The following XPNPEP1 variants were observed in gnomAD, a reference collection of about 807,000 sequenced individuals.
XPNPEP1 encodes the protein xaa-Pro aminopeptidase 1.
A neutral mutation model predicts 92.4 loss-of-function variants in XPNPEP1; 39 were observed. That is an observed-to-expected ratio of 0.42 (90% CI 0.33 to 0.55). The LOEUF (loss-of-function observed/expected upper bound fraction) is 0.55, where lower values mean the gene tolerates loss of function less well. XPNPEP1 is among the 20% of genes least tolerant of loss of function. XPNPEP1 has a pLI of 0.08. For synonymous variants in XPNPEP1, 307 were observed against 299.4 expected, an observed-to-expected ratio of 1.03 and a Z score of -0.26; for missense variants, 654 against 856.1, an observed-to-expected ratio of 0.76 and a Z score of 2.95.
At chr10:109,868,449 G>T (rs1847262163) in intron 20 of XPNPEP1, among the ~76,000 whole-genome samples, 165 bp downstream of exon 20, 1 of 151,960 alleles carries the variant, frequency 6.6e-6, no homozygotes, top group Non-Finnish European at 1.5e-5. Context: ...GGAGTCCTCA[G>T]AAAACCTAGG....
chr10:109,912,422 C>T (rs1054926649), intron 2 of XPNPEP1, among the ~76,000 whole-genome samples: 12 of 152,312 alleles, frequency 7.9e-5, no homozygotes, highest in African/African-American at 2.6e-4. Flanking sequence ...GAGGCAGCTA[C>T]CACTGAAGTG....
intron 15 of XPNPEP1, among the ~76,000 whole-genome samples, chr10:109,875,280 C>T (rs1382566528): frequency 6.6e-6 from 1 of 152,174 alleles, no homozygotes; most frequent in Admixed American, 6.5e-5. Context: ...CAGTTGTTTA[C>T]TTATATTTTT....
chr10:109,870,068 C>T (rs376169718), intron 18 of XPNPEP1, 39 bp from the exon 19 acceptor site: 22 of 1,605,090 alleles, frequency 1.4e-5, no homozygotes, highest in African/African-American at 8.0e-5. Context: ...AAGCAGCCCA[C>T]GATGAAGATG....
Position 109,882,486 on chromosome 10 carries a change from C to T in XPNPEP1, c.987G>A (p.Glu329=), listed in dbSNP as rs1414495772. The part of the protein sequence containing the change: ...KALCADLSPR[E]KVWVSDKASY... ...TGGCCTTGTCACTGACCCACACCTT[C>T]TCCCTTGGGGAGAGGTCAGCACACA... The change falls in exon 10 of 21, where the codon GAG becomes GAA. Residue 329 remains glutamate (E), a synonymous_variant. Transcript: ENST00000502935. The T allele has an allele frequency of 5.0e-6, 8 of 1,614,206 alleles. No individual in the cohort carries two copies. Among genetic ancestry groups the T allele is most frequent in the Non-Finnish European group, 5.9e-6 (7 of 1,180,006 alleles).
intron 2 of XPNPEP1, among the ~76,000 whole-genome samples, chr10:109,913,958 G>A (rs1313328831): frequency 6.6e-6 from 1 of 151,824 alleles, no homozygotes; most frequent in Admixed American, 6.6e-5. Flanking sequence ...AAAATGTGTT[G>A]GATACATCTA....
rs182773367 is a variant in XPNPEP1 at position 109,915,030 on chromosome 10, T to C, written c.102A>G (p.Gly34=). ...TATTACCTGTTTCCACACCTGTGTC[T>C]CCTGAGTGTGTCACCTCGTTAGGTT... The part of the protein sequence containing the change: ...IIEPNEVTHS[G]DTGVETDGRM... The change falls in exon 2 of 21, where the codon GGA becomes GGG. Residue 34 remains glycine (G), a synonymous_variant. Coordinates refer to ENST00000502935, the MANE Select transcript of XPNPEP1 (RefSeq NM_020383.4). 97 of 1,530,764 alleles carry C rather than the reference T, an allele frequency of 6.3e-5. No homozygotes were observed. In the East Asian group the frequency reaches 2.0e-3, roughly 32 times the overall value. The allele number at this position is 1,530,764 out of a possible 1,614,324, so 94.8% of individuals were successfully genotyped here. A position where few individuals can be genotyped will look rare whatever the true frequency, so the allele number is the denominator to read the frequency against.
At position 109,865,177 on chromosome 10, in the gene XPNPEP1, G is replaced by A. The variant is rs1186028812; in HGVS notation, c.*7C>T. The stretch of plus-strand genomic sequence containing the variant: ...ATTTTACAAAAACAAAACCGGGGAG[G>A]TATTTATTAATGCTGTTTGGAGATG... On this transcript the variant is annotated 3_prime_UTR_variant, in exon 21 of 21. Coordinates refer to ENST00000502935, the MANE Select transcript of XPNPEP1 (RefSeq NM_020383.4). 1.6e-5 allele frequency: 26 copies of A among 1,614,066 alleles called. No homozygotes were observed. The highest frequency in any genetic ancestry group is 3.3e-5 in the Admixed American group (2 of 60,020).
chr10:109,913,009 T>C (rs1263426052), intron 2 of XPNPEP1, among the ~76,000 whole-genome samples: 2 of 152,204 alleles, frequency 1.3e-5, no homozygotes, highest in Non-Finnish European at 2.9e-5. Context: ...TTTTCAGAAA[T>C]GTTAGAAACA....
chr10:109,888,209 T>C lies in XPNPEP1; in HGVS notation c.509-17A>G, dbSNP rs1233520986. 8 of 1,607,172 alleles carry C rather than the reference T, an allele frequency of 5.0e-6. No homozygotes were observed. Among genetic ancestry groups the C allele is most frequent in the African/African-American group, 4.0e-5 (3 of 74,866 alleles). On this transcript the variant is annotated splice_polypyrimidine_tract_variant and intron_variant, in intron 6 of 20. Coordinates refer to ENST00000502935, the MANE Select transcript of XPNPEP1 (RefSeq NM_020383.4). ...TCCAATAATCTGAGGAGACACATTG[T>C]GGCCCAGCCATGAGCCGAACGCCCA... is the stretch of plus-strand genomic sequence containing the variant.
intron 20 of XPNPEP1, among the ~76,000 whole-genome samples, chr10:109,866,822 G>A (rs545742133): frequency 6.6e-6 from 1 of 152,354 alleles, no homozygotes; most frequent in South Asian, 2.1e-4. Context: ...GCCCTACAAA[G>A]AGTAACTGGC....
intron 3 of XPNPEP1, among the ~76,000 whole-genome samples, chr10:109,897,190 T>C (rs941864): frequency 0.29 from 44,226 of 151,858 alleles, 6,799 homozygotes; most frequent in Admixed American, 0.45. Flanking sequence ...TCATGAGAAA[T>C]TACCCAATTT....
At chr10:109,883,855 G>A (rs549439935) in intron 9 of XPNPEP1, 9 of 493,370 alleles carry the variant, frequency 1.8e-5, no homozygotes, top group Admixed American at 7.8e-5. Flanking sequence ...ACTTTCATGC[G>A]TTTCAAACCA....
chr10:109,907,669 G>A (rs1849626782), intron 3 of XPNPEP1, 22 bp downstream of exon 3: 2 of 1,613,818 alleles, frequency 1.2e-6, no homozygotes, highest in East Asian at 4.5e-5. Flanking sequence ...AAAGAAAGGA[G>A]AGGCCCATTG....
At chr10:109,874,365 A>G (rs1314164718) in intron 15 of XPNPEP1, among the ~76,000 whole-genome samples, 1 of 152,246 alleles carries the variant, frequency 6.6e-6, no homozygotes, top group Non-Finnish European at 1.5e-5. Context: ...CTGTTAGAAC[A>G]GCAGGGGGTT....
At chr10:109,871,144 C>G in intron 17 of XPNPEP1, 1 of 405,234 alleles carries the variant, frequency 2.5e-6, no homozygotes, top group Non-Finnish European at 4.4e-6. Context: ...TAGACACCTA[C>G]AGCACACAGA....
rs970752952 is a variant in XPNPEP1, at chr10:109,873,529, G to A, written c.1392-102C>T. 2.9e-6 allele frequency: 4 copies of A among 1,385,930 alleles called. No individual in the cohort carries two copies. In the African/African-American group the frequency reaches 4.3e-5, roughly 15 times the overall value. 85.9% of individuals were successfully genotyped at this position (1,385,930 alleles called of 1,614,324 possible). On this transcript the variant is annotated intron_variant, in intron 15 of 20. Transcript: ENST00000502935. ...CAAGTGAGAAGCCCCATACAATGCT[G>A]GTGGGCATGTAAAATAGCACAGCCA... is the stretch of plus-strand genomic sequence containing the variant.
chr10:109,892,747 T>C (rs1174731691), intron 4 of XPNPEP1, among the ~76,000 whole-genome samples: 1 of 152,158 alleles, frequency 6.6e-6, no homozygotes, highest in Non-Finnish European at 1.5e-5. Context: ...TATGTTATAT[T>C]CAATAAAAAG....
Position 109,870,684 on chromosome 10 carries a change from A to G in XPNPEP1, c.1696+47T>C, listed in dbSNP as rs1370013750. On this transcript the variant is annotated intron_variant, in intron 18 of 20. Coordinates refer to ENST00000502935, the MANE Select transcript of XPNPEP1 (RefSeq NM_020383.4). ...AATACAAAACAACGAATAGCTTTCA[A>G]AAAGGCTCAAGGATCCACGCATGCC... 2.6e-6 allele frequency: 4 copies of G among 1,546,014 alleles called. No individual in the cohort carries two copies. The African/African-American group carries it at 4.2e-5, about 16-fold the overall frequency.
intron 12 of XPNPEP1, among the ~76,000 whole-genome samples, chr10:109,879,489 G>C (rs1340276761): frequency 6.6e-6 from 1 of 151,548 alleles, no homozygotes; most frequent in Non-Finnish European, 1.5e-5. Context: ...AGAATCTCTT[G>C]AACCTGGGCA....
Sources: allele counts gnomAD v4.1 joint callset (sites outside exome capture counted in the v4.1 genomes callset), GRCh38; gene constraint gnomAD v4.1.1; transcripts MANE v1.5; gene names NCBI Gene and HGNC (gene_info 2026-07-23, HGNC 2026-07-21).